Variants in CDC42BPA observed in about 807,000 individuals in gnomAD.
CDC42BPA encodes the protein serine/threonine-protein kinase MRCK alpha.
Under a neutral mutation model 223.5 loss-of-function variants are expected in CDC42BPA, and 80 were observed. That is an observed-to-expected ratio of 0.36 (90% CI 0.30 to 0.43). The LOEUF (loss-of-function observed/expected upper bound fraction) is 0.43, where lower values mean the gene tolerates loss of function less well. Ranked by LOEUF, CDC42BPA falls within the 20% of genes least tolerant of loss-of-function variation. CDC42BPA has a pLI of 1.00. For synonymous variants in CDC42BPA, 694 were observed against 718.6 expected, an observed-to-expected ratio of 0.97 and a Z score of 0.55; for missense variants, 1,743 against 2,099.9, an observed-to-expected ratio of 0.83 and a Z score of 3.32.
intron 14 of CDC42BPA, among the ~76,000 whole-genome samples, chr1:227,104,155 C>T: frequency 6.6e-6 from 1 of 151,756 alleles, no homozygotes; most frequent in East Asian, 1.9e-4. Flanking sequence ...TAAAACAATC[C>T]ACTAATAAAC....
At chr1:227,087,577 T>C (rs1317974432) in intron 16 of CDC42BPA, among the ~76,000 whole-genome samples, 1 of 152,220 alleles carries the variant, frequency 6.6e-6, no homozygotes. Flanking sequence ...CCTACCAGAA[T>C]TTTGATAGGG....
chr1:227,110,319 A>G (rs980046443), intron 14 of CDC42BPA, among the ~76,000 whole-genome samples: 2 of 152,330 alleles, frequency 1.3e-5, no homozygotes, highest in African/African-American at 4.8e-5. Context: ...ACTACATGCC[A>G]GGTTCTGGTC....
intron 17 of CDC42BPA, among the ~76,000 whole-genome samples, chr1:227,075,869 AAACTG>A (rs1679362357): frequency 6.6e-6 from 1 of 152,220 alleles, no homozygotes; most frequent in Admixed American, 6.5e-5. Context: ...CATTTCCAAG[AAACTG>A]TGAAGTCCAA....
intron 1 of CDC42BPA, among the ~76,000 whole-genome samples, chr1:227,273,680 G>T (rs61834626): frequency 0.11 from 17,461 of 151,880 alleles, 1,214 homozygotes; most frequent in South Asian, 0.18. Context: ...ATTTTAACCT[G>T]CTAAAATATG....
At chr1:227,090,779 C>T (rs977466292) in intron 16 of CDC42BPA, among the ~76,000 whole-genome samples, 13 of 152,124 alleles carry the variant, frequency 8.5e-5, no homozygotes, top group Admixed American at 7.9e-4. Context: ...CCACCGCACT[C>T]CAGCCTGGGC....
At position 227,147,635 on chromosome 1, in the gene CDC42BPA, T is replaced by C. The variant is rs148381904; in HGVS notation, c.694-76A>G. 570 of 710,666 alleles carry C rather than the reference T, an allele frequency of 8.0e-4. 10 individuals are homozygous for C. The East Asian group carries it at 0.015, about 19-fold the overall frequency. The allele number at this position is 710,666 out of a possible 1,614,324, so 44.0% of individuals were successfully genotyped here. On this transcript the variant is annotated intron_variant, in intron 6 of 36. Transcript: ENST00000366766. Reference sequence around the variant, plus strand: ...TTAAATAGTTACTTAAGATACACAATAGACATTATTATCTCATAAACACAT... The same window carrying C: ...TTAAATAGTTACTTAAGATACACAACAGACATTATTATCTCATAAACACAT...
At chr1:227,007,353 T>C (rs1664305299) in intron 34 of CDC42BPA, among the ~76,000 whole-genome samples, 1 of 152,200 alleles carries the variant, frequency 6.6e-6, no homozygotes, top group African/African-American at 2.4e-5. Flanking sequence ...ATTAACCTGG[T>C]GTTCTCTCAG....
At chr1:227,117,634 T>C (rs1687975373) in intron 12 of CDC42BPA, among the ~76,000 whole-genome samples, 1 of 152,150 alleles carries the variant, frequency 6.6e-6, no homozygotes, top group Admixed American at 6.6e-5. Context: ...GCAGTTTTAA[T>C]CAAAATTCCA....
intron 8 of CDC42BPA, among the ~76,000 whole-genome samples, chr1:227,144,408 C>T (rs1161816273): frequency 1.3e-5 from 2 of 151,806 alleles, no homozygotes; most frequent in Admixed American, 1.3e-4. Context: ...AACCCCGTCT[C>T]TACTAAAAAC....
intron 21 of CDC42BPA, among the ~76,000 whole-genome samples, chr1:227,057,720 TAA>T (rs1674886800): frequency 1.3e-5 from 2 of 152,196 alleles, no homozygotes; most frequent in African/African-American, 2.4e-5. Flanking sequence ...TATGTAATAA[TAA>T]GTCAATAGAT....
intron 21 of CDC42BPA, among the ~76,000 whole-genome samples, chr1:227,061,671 T>A (rs1452069345): frequency 1.3e-5 from 2 of 152,214 alleles, no homozygotes; most frequent in Non-Finnish European, 2.9e-5. Context: ...CACTGACCAT[T>A]CCCCTCCTTA....
At chr1:227,019,659 G>T (rs888416299) in intron 32 of CDC42BPA, among the ~76,000 whole-genome samples, 1 of 149,544 alleles carries the variant, frequency 6.7e-6, no homozygotes, top group African/African-American at 2.5e-5. Flanking sequence ...CTACAGAATG[G>T]ATGCTGTGTT....
chr1:227,097,110 C>T (rs960539920), intron 15 of CDC42BPA, among the ~76,000 whole-genome samples: 4 of 152,090 alleles, frequency 2.6e-5, no homozygotes, highest in African/African-American at 9.7e-5. Flanking sequence ...CTCCTCTCCT[C>T]TCTCCTCCAA....
chr1:227,282,362 C>A (rs1276737822), intron 1 of CDC42BPA, among the ~76,000 whole-genome samples: 1 of 152,018 alleles, frequency 6.6e-6, no homozygotes, highest in Non-Finnish European at 1.5e-5. Flanking sequence ...GGAGTTTAAA[C>A]CAAAATTAAT....
intron 2 of CDC42BPA, among the ~76,000 whole-genome samples, chr1:227,249,821 G>GA (rs1308564912): frequency 6.6e-6 from 1 of 152,112 alleles, no homozygotes; most frequent in Non-Finnish European, 1.5e-5. Context: ...AGGATGTGGA[G>GA]AAAAAGGAGA....
chr1:227,091,182 C>T (rs1683006217), intron 16 of CDC42BPA, among the ~76,000 whole-genome samples: 1 of 152,072 alleles, frequency 6.6e-6, no homozygotes. Flanking sequence ...TATTAGCCAT[C>T]CGTGACGGGG....
At chr1:227,117,382 T>A (rs139162731) in intron 12 of CDC42BPA, among the ~76,000 whole-genome samples, 1 of 152,130 alleles carries the variant, frequency 6.6e-6, no homozygotes, top group Non-Finnish European at 1.5e-5. Context: ...AGTGACATGA[T>A]CATGGCTCAC....
At chr1:227,185,007 A>G (rs937201136) in intron 5 of CDC42BPA, among the ~76,000 whole-genome samples, 5 of 152,176 alleles carry the variant, frequency 3.3e-5, no homozygotes, top group African/African-American at 9.7e-5. Context: ...AGTAGAAAAT[A>G]ATAGTAATAG....
At chr1:227,295,986 T>A (rs1690577769) in intron 1 of CDC42BPA, among the ~76,000 whole-genome samples, 2 of 152,134 alleles carry the variant, frequency 1.3e-5, no homozygotes, top group African/African-American at 4.8e-5. Flanking sequence ...CTAACAAAAT[T>A]CCAACAGCCT....
Sources: gnomAD v4.1 joint callset for allele counts (sites outside exome capture counted in the v4.1 genomes callset) on GRCh38, gnomAD v4.1.1 for gene constraint, MANE v1.5 for transcripts, NCBI Gene and HGNC (gene_info 2026-07-23, HGNC 2026-07-21) for gene names.